Variants in SLCO3A1 observed in about 807,000 individuals in gnomAD.
SLCO3A1 encodes the protein solute carrier organic anion transporter family member 3A1.
SLCO3A1 carries 27 observed loss-of-function variants against 63.1 expected under a neutral mutation model. The ratio of observed to expected loss-of-function variants is 0.43; its 90% CI spans 0.32 to 0.59. SLCO3A1 has a LOEUF of 0.59. SLCO3A1 is among the 20% of genes least tolerant of loss of function. The pLI is 0.09. For missense variants in SLCO3A1, 773 were observed against 945.8 expected (o/e 0.82, Z 2.40); for synonymous variants, 473 against 409.9 (o/e 1.15, Z -1.86).
chr15:91,985,236 C>G (rs2046037166), intron 2 of SLCO3A1, among the ~76,000 whole-genome samples: 1 of 152,216 alleles, frequency 6.6e-6, no homozygotes, highest in Admixed American at 6.5e-5. Context: ...CATCTATTCT[C>G]TGGTGTCTGG....
chr15:92,098,467 CT>C (rs1427331828), intron 3 of SLCO3A1, among the ~76,000 whole-genome samples: 3 of 152,182 alleles, frequency 2.0e-5, no homozygotes, highest in African/African-American at 4.8e-5. Context: ...TCCAGAATTT[CT>C]TTTTTAGGTT....
rs1277430465 is a variant in SLCO3A1, at chr15:92,002,038, T to C, written c.646+85580T>C. ...TTTCATATTGCTCTTCTAAGATCAC[T>C]ACATACGGAAGACCACGACATAGGG... On this transcript the variant is annotated intron_variant, in intron 2 of 9. Coordinates refer to ENST00000318445, the MANE Select transcript of SLCO3A1 (RefSeq NM_013272.4). Among the ~76,000 whole-genome samples, 2 of 152,102 alleles carry C rather than the reference T, an allele frequency of 1.3e-5. 1 individual carries two copies. Among genetic ancestry groups the C allele is most frequent in the Non-Finnish European group, 2.9e-5 (2 of 68,014 alleles).
At chr15:92,075,571 C>T (rs2047266818) in intron 2 of SLCO3A1, among the ~76,000 whole-genome samples, 1 of 152,246 alleles carries the variant, frequency 6.6e-6, no homozygotes, top group African/African-American at 2.4e-5. Context: ...CCATACCTTC[C>T]TCAGCCCATC....
intron 2 of SLCO3A1, among the ~76,000 whole-genome samples, chr15:91,956,710 C>T (rs1900190455): frequency 6.7e-6 from 1 of 150,256 alleles, no homozygotes; most frequent in African/African-American, 2.4e-5. Flanking sequence ...GTCCAGTCAA[C>T]TTTTGTGCCC....
chr15:91,974,074 C>G (rs1024271588), intron 2 of SLCO3A1, among the ~76,000 whole-genome samples: 2 of 151,974 alleles, frequency 1.3e-5, no homozygotes, highest in African/African-American at 4.8e-5. Context: ...GAGAGTGTCC[C>G]TGGACCTAAG....
chr15:91,967,449 G>A lies in SLCO3A1; in HGVS notation c.646+50991G>A, dbSNP rs1190506123. ...GGTAGAATGTCCCTCCTCTGGTTAT[G>A]CTTTTCTTTGGCTAATAGTATCATT... On this transcript the variant is annotated intron_variant, in intron 2 of 9. Transcript: ENST00000318445. This position sits in a 1 kb window ranked among gnomAD's most constrained non-coding sequence, Gnocchi z 4.4. 6.6e-6 allele frequency among the ~76,000 whole-genome samples: 1 copy of A among 152,170 alleles called. No homozygotes were observed. The highest frequency in any genetic ancestry group is 1.5e-5 in the Non-Finnish European group (1 of 68,042).
At chr15:91,938,485 T>TTTTTG (rs1438287845) in intron 2 of SLCO3A1, among the ~76,000 whole-genome samples, 1 of 150,280 alleles carries the variant, frequency 6.7e-6, no homozygotes, top group African/African-American at 2.4e-5. Context: ...TTTTTTTGTT[T>TTTTTG]TTTTTTTTTT....
rs758013290 is a variant in SLCO3A1, at chr15:92,104,337, T to C, written c.804T>C (p.Phe268=). ...GGATCGGAGCCTGGTGGGGTGGCTT[T>C]CTGCTCTGCGGTGCCTTACTCTTCT... is the stretch of plus-strand genomic sequence containing the variant. The part of the protein sequence containing the change: ...PRWIGAWWGG[F]LLCGALLFFS... Residue 268 remains phenylalanine (F), a synonymous_variant, in exon 4 of 10, where the codon TTT becomes TTC. Coordinates refer to ENST00000318445, the MANE Select transcript of SLCO3A1 (RefSeq NM_013272.4). The C allele has an allele frequency of 4.3e-6, 7 of 1,614,216 alleles. No homozygotes were observed. The highest frequency in any genetic ancestry group is 4.2e-6 in the Non-Finnish European group (5 of 1,180,038).
Position 91,942,897 on chromosome 15 carries a change from T to C in SLCO3A1, c.646+26439T>C, listed in dbSNP as rs1899671714. On this transcript the variant is annotated intron_variant, in intron 2 of 9. Coordinates refer to ENST00000318445, the MANE Select transcript of SLCO3A1 (RefSeq NM_013272.4). The surrounding 1 kb of genome is among the most constrained non-coding windows in gnomAD (Gnocchi z 4.1). Reference sequence around the variant, plus strand: ...GGAAATCTTAAGGGGAGTTCCCCTATTGATCAGACAGAGCAGAACTGCTCT... The same window carrying C: ...GGAAATCTTAAGGGGAGTTCCCCTACTGATCAGACAGAGCAGAACTGCTCT... 6.6e-6 allele frequency among the ~76,000 whole-genome samples: 1 copy of C among 152,186 alleles called. No homozygotes were observed. Among genetic ancestry groups the C allele is most frequent in the African/African-American group, 2.4e-5 (1 of 41,460 alleles).
intron 1 of SLCO3A1, among the ~76,000 whole-genome samples, chr15:91,911,502 C>A (rs1002414215): frequency 3.9e-5 from 6 of 152,102 alleles, no homozygotes; most frequent in African/African-American, 7.2e-5. Context: ...GGTTGAGAAC[C>A]TTGGTTCTAG....
At chr15:91,947,908 G>T (rs890745695) in intron 2 of SLCO3A1, among the ~76,000 whole-genome samples, 2 of 152,160 alleles carry the variant, frequency 1.3e-5, no homozygotes, top group African/African-American at 4.8e-5. Context: ...CACAGCTGCT[G>T]GCAATTCCCC....
chr15:91,879,508 G>T (rs763611102), intron 1 of SLCO3A1, among the ~76,000 whole-genome samples: 4 of 140,642 alleles, frequency 2.8e-5, no homozygotes, highest in Non-Finnish European at 4.7e-5. Context: ...GTATACAACC[G>T]TAGCTACTAT....
intron 2 of SLCO3A1, among the ~76,000 whole-genome samples, chr15:91,936,636 C>T (rs1273014474): frequency 6.6e-6 from 1 of 152,178 alleles, no homozygotes; most frequent in Non-Finnish European, 1.5e-5. Context: ...CAGGAATGTA[C>T]AGACTTCAGT....
intron 1 of SLCO3A1, among the ~76,000 whole-genome samples, chr15:91,880,405 C>CTGTGTGTGTGTGTG (rs1234294258): frequency 0.013 from 1,841 of 142,198 alleles, 39 homozygotes; most frequent in African/African-American, 0.042. Flanking sequence ...CTCTCTCTCT[C>CTGTGTGTGTGTGTG]TCTCTGTGTG....
intron 8 of SLCO3A1, chr15:92,149,872 GTGTC>G (rs1424072112): frequency 1.3e-5 from 2 of 152,156 alleles, no homozygotes; most frequent in African/African-American, 4.8e-5. Context: ...CTCTATTTAT[GTGTC>G]TGTCTTTCAA....
chr15:91,964,274 T>A (rs1470822039), intron 2 of SLCO3A1, among the ~76,000 whole-genome samples: 1 of 151,114 alleles, frequency 6.6e-6, no homozygotes, highest in Non-Finnish European at 1.5e-5. Flanking sequence ...TAAAAGTAGA[T>A]ACAACGGCCT....
intron 2 of SLCO3A1, among the ~76,000 whole-genome samples, chr15:92,029,678 C>T (rs961869199): frequency 2.4e-4 from 36 of 149,638 alleles, no homozygotes; most frequent in Admixed American, 6.6e-4. Flanking sequence ...TTTTTTTTTT[C>T]CCAAACACAT....
At chr15:91,932,033 G>A (rs1468036596) in intron 2 of SLCO3A1, among the ~76,000 whole-genome samples, 1 of 152,150 alleles carries the variant, frequency 6.6e-6, no homozygotes, top group Non-Finnish European at 1.5e-5. Flanking sequence ...TTGGCTGGTA[G>A]GAAGCTCCAT....
At chr15:92,079,704 A>T (rs368079117) in intron 2 of SLCO3A1, among the ~76,000 whole-genome samples, 1 of 152,374 alleles carries the variant, frequency 6.6e-6, no homozygotes, top group Admixed American at 6.5e-5. Context: ...AGAGCAGGGC[A>T]GGTGACTGCC....
Sources: allele counts gnomAD v4.1 joint callset (sites outside exome capture counted in the v4.1 genomes callset), GRCh38; gene constraint gnomAD v4.1.1; non-coding constraint Gnocchi (gnomAD v3.1); transcripts MANE v1.5; gene names NCBI Gene and HGNC (gene_info 2026-07-23, HGNC 2026-07-21).